The following CEP85 variants were observed in gnomAD, a reference collection of about 807,000 sequenced individuals.
CEP85 encodes the protein centrosomal protein 85, also known as centrosomal protein of 85 kDa.
A neutral mutation model predicts 93.7 loss-of-function variants in CEP85; 58 were observed. The observed-to-expected ratio is 0.62, with a 90% CI of 0.50 to 0.77. CEP85 has a LOEUF of 0.77. Among genes scored for constraint, CEP85 ranks in the 30% least tolerant of loss-of-function variants. CEP85 has a pLI of 0.00. For missense variants in CEP85, 868 were observed against 922.0 expected (o/e 0.94, Z 0.76); for synonymous variants, 314 against 338.6 (o/e 0.93, Z 0.80).
At chr1:26,243,367 C>T (rs1171033262) in intron 2 of CEP85, among the ~76,000 whole-genome samples, 1 of 152,050 alleles carries the variant, frequency 6.6e-6, no homozygotes, top group Admixed American at 6.6e-5. Context: ...GATGCTAAAC[C>T]ATTCTGTAAT....
Position 26,255,811 on chromosome 1 carries a change from C to CA in CEP85, c.850dup (p.Ser284LysfsTer50), listed in dbSNP as rs2089690700. ...ATCCCCGAGAGCAATCTTGTGAACT[C>CA]AGCACTTGTCGGCAGCAGCTGGAAT... On this transcript the variant is annotated frameshift_variant, in exon 4 of 14. Coordinates refer to ENST00000451429, the MANE Select transcript of CEP85 (RefSeq NM_001319944.2). LOFTEE classifies it high-confidence loss of function. 1 of 1,613,496 alleles carries CA rather than the reference C, an allele frequency of 6.2e-7. No individual in the cohort carries two copies. Among genetic ancestry groups the CA allele is most frequent in the South Asian group, 1.1e-5 (1 of 91,072 alleles).
At position 26,255,880 on chromosome 1, in the gene CEP85, TTCCTTGGATTTTCTAGGTTCTGTAC is replaced by T; in HGVS notation, c.903+16_903+40del. On this transcript the variant is annotated intron_variant, in intron 4 of 13. Coordinates refer to ENST00000451429, the MANE Select transcript of CEP85 (RefSeq NM_001319944.2). The stretch of plus-strand genomic sequence containing the variant: ...AGCAAATGCAGGTAGAGGTCTATCT[TTCCTTGGATTTTCTAGGTTCTGTAC>T]AGTTCTTAGAATTGTAATAGCTTTT... 6.3e-7 allele frequency: 1 copy of T among 1,576,318 alleles called. No individual in the cohort carries two copies.
rs1329746794 is a variant in CEP85 at position 26,241,617 on chromosome 1, T to A, written c.55+1779T>A. On this transcript the variant is annotated intron_variant, in intron 2 of 13. Transcript: ENST00000451429. ...GTTTGTACAGTTTCTATGACAATTA[T>A]GTATATAATGCAAGTTTTTGGAACA... 2.6e-5 allele frequency among the ~76,000 whole-genome samples: 4 copies of A among 152,176 alleles called. No individual in the cohort carries two copies. In the East Asian group the frequency reaches 7.7e-4, roughly 29 times the overall value.
chr1:26,262,419 A>T (rs190762056), intron 7 of CEP85, among the ~76,000 whole-genome samples: 2 of 151,762 alleles, frequency 1.3e-5, no homozygotes, highest in Non-Finnish European at 2.9e-5. Context: ...TAGATGTTGC[A>T]GTGAGCCGAG....
intron 2 of CEP85, among the ~76,000 whole-genome samples, chr1:26,240,568 A>G (rs1212837768): frequency 1.3e-5 from 2 of 150,532 alleles, no homozygotes; most frequent in Non-Finnish European, 3.0e-5. Context: ...GATACCATTA[A>G]AAAAAAAAAT....
intron 7 of CEP85, among the ~76,000 whole-genome samples, chr1:26,265,196 C>T (rs761791877): frequency 2.0e-5 from 3 of 152,060 alleles, no homozygotes; most frequent in South Asian, 2.1e-4. Context: ...GTTGACCAGG[C>T]GGGTCTCAAA....
At chr1:26,270,317 C>G (rs974146873) in intron 9 of CEP85, among the ~76,000 whole-genome samples, 15 of 152,122 alleles carry the variant, frequency 9.9e-5, no homozygotes, top group Non-Finnish European at 1.8e-4. Flanking sequence ...CTACCAGGAG[C>G]CTTTCTCCTC....
chr1:26,253,676 C>T (rs1461146094), intron 3 of CEP85, among the ~76,000 whole-genome samples: 1 of 151,840 alleles, frequency 6.6e-6, no homozygotes, highest in Non-Finnish European at 1.5e-5. Flanking sequence ...AGGCATGAGC[C>T]ACTGCGCCCG....
chr1:26,272,145 T>C, intron 11 of CEP85, 74 bp downstream of exon 11: 5 of 1,452,326 alleles, frequency 3.4e-6, no homozygotes, highest in Non-Finnish European at 4.8e-6. Flanking sequence ...AATATTTATT[T>C]TGTTCTCTGC....
At chr1:26,276,896 A>AT in intron 13 of CEP85, 136 bp downstream of exon 13, 1 of 836,362 alleles carries the variant, frequency 1.2e-6, no homozygotes, top group East Asian at 2.6e-5. Context: ...CTGGACATTT[A>AT]TTTGTTTCAC....
rs1206744367 is a variant in CEP85 at position 26,277,436 on chromosome 1, TGATTAGG to T, written c.*146_*152del. The T allele has an allele frequency of 1.4e-6, 1 of 714,030 alleles. No homozygotes were observed. Among genetic ancestry groups the T allele is most frequent in the East Asian group, 2.7e-5 (1 of 36,610 alleles). The allele number at this position is 714,030 out of a possible 1,614,324, so 44.2% of individuals were successfully genotyped here. On this transcript the variant is annotated 3_prime_UTR_variant, in exon 14 of 14. Coordinates refer to ENST00000451429, the MANE Select transcript of CEP85 (RefSeq NM_001319944.2). ...GAGCCTGCATCTGGGGGCCAAGGGC[TGATTAGG>T]GAACTGTGTCCTACCCACACTGGCA...
intron 7 of CEP85, chr1:26,263,342 A>C: frequency 3.6e-6 from 1 of 279,064 alleles, no homozygotes; most frequent in South Asian, 4.4e-5. Flanking sequence ...TCAAAGCAGC[A>C]GTAGTCTCTG....
At chr1:26,239,598 C>T (rs977282114) in intron 1 of CEP85, among the ~76,000 whole-genome samples, 164 bp from the exon 2 acceptor site, 2 of 147,058 alleles carry the variant, frequency 1.4e-5, no homozygotes, top group African/African-American at 2.7e-5. Context: ...TTGATCTGCC[C>T]GCCTTGGCCT....
At chr1:26,242,336 A>C (rs2089440996) in intron 2 of CEP85, among the ~76,000 whole-genome samples, 1 of 151,992 alleles carries the variant, frequency 6.6e-6, no homozygotes, top group Non-Finnish European at 1.5e-5. Flanking sequence ...TAGACTCACC[A>C]GAAGGTGGGA....
Position 26,257,683 on chromosome 1 carries a change from G to C in CEP85, c.990G>C (p.Leu330Phe). 2 of 1,614,128 alleles carry C rather than the reference G, an allele frequency of 1.2e-6. No individual in the cohort carries two copies. Among genetic ancestry groups the C allele is most frequent in the Non-Finnish European group, 1.7e-6 (2 of 1,180,008 alleles). Residue 330 changes from leucine to phenylalanine, a missense_variant, in exon 5 of 14, where the codon TTG becomes TTC. Transcript: ENST00000451429. ...ILEPAQWISI[L>F]NSNEHLLKEK... ...AGCCAGCACAGTGGATCAGCATCTT[G>C]AACAGTAATGAACACCTTCTGAAGG... is the stretch of plus-strand genomic sequence containing the variant.
At chr1:26,271,793 C>T (rs976900715) in intron 10 of CEP85, 8 of 541,974 alleles carry the variant, frequency 1.5e-5, no homozygotes, top group Non-Finnish European at 2.6e-5. Context: ...TATGTGTTCA[C>T]ACTACATTCC....
intron 1 of CEP85, among the ~76,000 whole-genome samples, chr1:26,234,901 A>G (rs970321266): frequency 1.3e-5 from 2 of 152,142 alleles, no homozygotes; most frequent in African/African-American, 4.8e-5. Context: ...AACACTTTTG[A>G]TAGTCACAGC....
At chr1:26,272,617 ATTTTTTTTTTTT>A (rs397861910) in intron 11 of CEP85, among the ~76,000 whole-genome samples, 4 of 89,670 alleles carry the variant, frequency 4.5e-5, no homozygotes, top group East Asian at 6.5e-4. Flanking sequence ...CTATTACAGC[ATTTTTTTTTTTT>A]TTTTTTTTTT....
At chr1:26,270,838 C>T (rs772588164) in intron 9 of CEP85, among the ~76,000 whole-genome samples, 176 bp from the exon 10 acceptor site, 1 of 152,198 alleles carries the variant, frequency 6.6e-6, no homozygotes, top group Non-Finnish European at 1.5e-5. Flanking sequence ...AGAGAATTAA[C>T]ATACACTGAG....
Sources: gnomAD v4.1 joint callset for allele counts (sites outside exome capture counted in the v4.1 genomes callset) on GRCh38, gnomAD v4.1.1 for gene constraint, MANE v1.5 for transcripts, NCBI Gene and HGNC (gene_info 2026-07-23, HGNC 2026-07-21) for gene names.